The following CELF4 variants were observed in gnomAD, a reference collection of about 807,000 sequenced individuals.
The protein encoded by CELF4 is CUGBP Elav-like family member 4.
CELF4 carries 18 observed loss-of-function variants against 59.9 expected under a neutral mutation model. That is an observed-to-expected ratio of 0.30 (90% CI 0.21 to 0.45). The LOEUF is 0.45. Among genes scored for constraint, CELF4 ranks in the 20% least tolerant of loss-of-function variants. The pLI is 1.00. For missense variants in CELF4, 456 were observed against 689.0 expected, an observed-to-expected ratio of 0.66 and a Z score of 3.79; for synonymous variants, 261 against 267.1, an observed-to-expected ratio of 0.98 and a Z score of 0.22.
At chr18:37,552,032 G>A (rs1049939595) in intron 1 of CELF4, among the ~76,000 whole-genome samples, 5 of 152,142 alleles carry the variant, frequency 3.3e-5, no homozygotes, top group Admixed American at 2.0e-4. Flanking sequence ...GCTCTGTCCC[G>A]TTCCCATCTG....
chr18:37,519,716 C>T (rs1410600217), intron 1 of CELF4, among the ~76,000 whole-genome samples: 1 of 152,230 alleles, frequency 6.6e-6, no homozygotes, highest in Non-Finnish European at 1.5e-5. Context: ...TGGCCTGGGC[C>T]TTGGCTCGCA....
In CELF4 at chr18:37,565,510, C is replaced by G. The variant is rs761674565; in HGVS notation, c.132G>C (p.Ser44=). ...NGLSHSPGNP[S]TIPMKDHDAI... ...CATCGTGGTCCTTCATGGGAATGGTCGACGGGTTCCCCGGGCTGTGGCTTA... is the reference window on the plus strand; with the variant it reads ...CATCGTGGTCCTTCATGGGAATGGTGGACGGGTTCCCCGGGCTGTGGCTTA... Residue 44 remains serine, a synonymous_variant, in exon 1 of 13, where the codon TCG becomes TCC. Coordinates refer to ENST00000420428, the MANE Select transcript of CELF4 (RefSeq NM_020180.4). 5.6e-6 allele frequency: 9 copies of G among 1,614,018 alleles called. No homozygotes were observed. Among genetic ancestry groups the G allele is most frequent in the Non-Finnish European group, 7.6e-6 (9 of 1,180,024 alleles).
intron 1 of CELF4, among the ~76,000 whole-genome samples, chr18:37,557,869 C>A (rs72893129): frequency 0.052 from 7,851 of 152,154 alleles, 492 homozygotes; most frequent in Admixed American, 0.18. Context: ...CGGGGAATCA[C>A]CCTGTTTGAA....
intron 2 of CELF4, among the ~76,000 whole-genome samples, chr18:37,449,307 C>T (rs1315407498): frequency 6.6e-6 from 1 of 152,090 alleles, no homozygotes; most frequent in Non-Finnish European, 1.5e-5. Context: ...GTTACTGGGC[C>T]AGTGTGACTG....
At chr18:37,372,856 G>C (rs1603630314) in intron 2 of CELF4, among the ~76,000 whole-genome samples, 1 of 151,922 alleles carries the variant, frequency 6.6e-6, no homozygotes, top group African/African-American at 2.4e-5. Context: ...AGAGAAGGAT[G>C]TTCTCTGGGT....
intron 11 of CELF4, among the ~76,000 whole-genome samples, chr18:37,257,526 G>A (rs2070687593): frequency 6.6e-6 from 1 of 152,198 alleles, no homozygotes; most frequent in Non-Finnish European, 1.5e-5. Flanking sequence ...CAGAGGGGAA[G>A]GGACAATGGT....
At chr18:37,483,996 C>T (rs1005376983) in intron 2 of CELF4, among the ~76,000 whole-genome samples, 11 of 152,132 alleles carry the variant, frequency 7.2e-5, no homozygotes, top group African/African-American at 2.4e-4. Context: ...ACTCCCAATT[C>T]CCAGCCTCTC....
intron 1 of CELF4, among the ~76,000 whole-genome samples, chr18:37,555,251 T>G (rs559205714): frequency 7.9e-5 from 12 of 152,306 alleles, no homozygotes; most frequent in African/African-American, 2.6e-4. Flanking sequence ...AGCCAAGTAT[T>G]GATTTGACAG....
intron 2 of CELF4, among the ~76,000 whole-genome samples, chr18:37,480,406 C>T (rs542301050): frequency 1.6e-4 from 24 of 152,290 alleles, no homozygotes; most frequent in Non-Finnish European, 3.4e-4. Flanking sequence ...AAAACTACCC[C>T]GAAGAATTAA....
intron 2 of CELF4, among the ~76,000 whole-genome samples, chr18:37,379,992 C>G (rs1266667164): frequency 6.6e-6 from 1 of 152,186 alleles, no homozygotes; most frequent in Non-Finnish European, 1.5e-5. Context: ...TTCAGGGACT[C>G]ATGTGTTCAG....
chr18:37,279,196 T>G lies in CELF4; in HGVS notation c.449-3953A>C, dbSNP rs1318358121. 2.6e-5 allele frequency among the ~76,000 whole-genome samples: 4 copies of G among 151,784 alleles called. No individual in the cohort carries two copies. In the South Asian group the frequency reaches 6.3e-4, roughly 24 times the overall value. On this transcript the variant is annotated intron_variant, in intron 3 of 12. Transcript: ENST00000420428. ...AGCCTGTTGCTTCCCATAGTCGGGG[T>G]ATTGGGGAGCTGCCCCTCTGAAGAC...
At chr18:37,540,070 G>A (rs983301735) in intron 1 of CELF4, among the ~76,000 whole-genome samples, 1 of 152,200 alleles carries the variant, frequency 6.6e-6, no homozygotes, top group Non-Finnish European at 1.5e-5. Flanking sequence ...CTTTACCAGG[G>A]CAGTTGAATA....
At chr18:37,485,753 C>T (rs562427305) in intron 1 of CELF4, 146 bp from the exon 2 acceptor site, 331 of 405,284 alleles carry the variant, frequency 8.2e-4, no homozygotes, top group African/African-American at 6.5e-3. Context: ...GCACTGTTCT[C>T]GGAGCTTCTC....
chr18:37,266,519 G>A lies in CELF4; in HGVS notation c.1165+14C>T, dbSNP rs189935724. 17 of 1,585,262 alleles carry A rather than the reference G, an allele frequency of 1.1e-5. No homozygotes were observed. Among genetic ancestry groups the A allele is most frequent in the East Asian group, 2.3e-5 (1 of 43,890 alleles). ...GAGTTGGGGAAGGAGCCGTGGGGAC[G>A]CGTGGATACTAACGACCTGCATACT... On this transcript the variant is annotated intron_variant, in intron 9 of 12. Transcript: ENST00000420428.
At chr18:37,446,649 C>A (rs2099748988) in intron 2 of CELF4, among the ~76,000 whole-genome samples, 1 of 152,180 alleles carries the variant, frequency 6.6e-6, no homozygotes, top group Non-Finnish European at 1.5e-5. Flanking sequence ...GCTAATATTT[C>A]TTTAATCATT....
chr18:37,524,801 A>G (rs958681322), intron 1 of CELF4, among the ~76,000 whole-genome samples: 2 of 151,972 alleles, frequency 1.3e-5, no homozygotes, highest in Admixed American at 6.6e-5. Context: ...GCTGCGCTCT[A>G]CGCCCTCCGC....
At chr18:37,443,296 T>C (rs1368534692) in intron 2 of CELF4, among the ~76,000 whole-genome samples, 1 of 151,898 alleles carries the variant, frequency 6.6e-6, no homozygotes, top group Non-Finnish European at 1.5e-5. Context: ...TTCTGCTTGT[T>C]AAAAATAAAC....
In CELF4 at chr18:37,243,178, CTTTT is replaced by C. The variant is rs1274891298; in HGVS notation, c.*2060_*2063del. The stretch of plus-strand genomic sequence containing the variant: ...ACTGCAGCTGTTTTCTTTTTTTTTT[CTTTT>C]TTTCTTTTTTTTTTTTTTTTTTTTA... On this transcript the variant is annotated 3_prime_UTR_variant, in exon 13 of 13. Transcript: ENST00000420428. 1 of 103,272 alleles carries C rather than the reference CTTTT, an allele frequency of 9.7e-6. No homozygotes were observed. The highest frequency in any genetic ancestry group is 1.9e-5 in the Non-Finnish European group (1 of 52,032). 6.4% of individuals were successfully genotyped at this position (103,272 alleles called of 1,614,324 possible). A position where few individuals can be genotyped will look rare whatever the true frequency, so the allele number is the denominator to read the frequency against.
intron 2 of CELF4, among the ~76,000 whole-genome samples, chr18:37,367,812 G>A (rs189539348): frequency 3.3e-5 from 5 of 152,144 alleles, no homozygotes; most frequent in Admixed American, 2.0e-4. Context: ...CCGTGGCGCC[G>A]GTGAAGTGGG....
Sources: gnomAD v4.1 joint callset for allele counts (sites outside exome capture counted in the v4.1 genomes callset) on GRCh38, gnomAD v4.1.1 for gene constraint, MANE v1.5 for transcripts, NCBI Gene and HGNC (gene_info 2026-07-23, HGNC 2026-07-21) for gene names.